Variants in SLFN13 observed in about 807,000 individuals in gnomAD.
The protein encoded by SLFN13 is schlafen-13.
SLFN13 carries 43 observed loss-of-function variants against 50.6 expected under a neutral mutation model. The observed-to-expected ratio is 0.85, with a 90% CI of 0.67 to 1.09. The LOEUF (loss-of-function observed/expected upper bound fraction) is 1.09. Among genes scored for constraint, SLFN13 ranks in the 50% least tolerant of loss-of-function variants. SLFN13 has a pLI of 0.00. For synonymous variants in SLFN13, 339 were observed against 386.5 expected, an observed-to-expected ratio of 0.88 and a Z score of 1.44; for missense variants, 881 against 1,071.1, an observed-to-expected ratio of 0.82 and a Z score of 2.48.
At chr17:35,446,333 AGTTTAGTAAAAT>A (rs1222836198) in intron 2 of SLFN13, among the ~76,000 whole-genome samples, 1 of 152,200 alleles carries the variant, frequency 6.6e-6, no homozygotes, top group African/African-American at 2.4e-5. Context: ...ACTAAACCTA[AGTTTAGTAAAAT>A]TAAGGTTAAC....
rs749890504 is a variant in SLFN13 at position 35,445,550 on chromosome 17, G to T, written c.131C>A (p.Ala44Glu). The T allele has an allele frequency of 1.2e-6, 2 of 1,613,938 alleles. No individual in the cohort carries two copies. The highest frequency in any genetic ancestry group is 1.7e-5 in the Admixed American group (1 of 60,006). ...LQKTQRDQERARVIRAACALL... is the reference protein window; with the variant it reads ...LQKTQRDQERERVIRAACALL... ...AGCACACGCGGCCCGTATAACTCTC[G>T]CCCTCTCTTGGTCTCTCTGAGTTTT... Residue 44 changes from alanine (A) to glutamate (E), a missense_variant, in exon 3 of 6, where the codon GCG becomes GAG. Ala to Glu is a moderately radical substitution (Grantham distance 107, BLOSUM62 -1). Coordinates refer to ENST00000285013, the MANE Select transcript of SLFN13 (RefSeq NM_144682.6).
chr17:35,445,411 T>G lies in SLFN13; in HGVS notation c.270A>C (p.Pro90=), dbSNP rs537316217. Residue 90 remains proline (P), a synonymous_variant, in exon 3 of 6, where the codon CCA becomes CCC. Transcript: ENST00000285013. ...TAGTCTCAAAGAAAGCCTGCAAATATGGATACTGAATAAGCTTTCTCAAGG... is the reference window on the plus strand; with the variant it reads ...TAGTCTCAAAGAAAGCCTGCAAATAGGGATACTGAATAAGCTTTCTCAAGG... ...EESLRKLIQY[P]YLQAFFETKQ... The G allele has an allele frequency of 6.8e-6, 11 of 1,614,122 alleles. No individual in the cohort carries two copies. The highest frequency in any genetic ancestry group is 9.3e-6 in the Non-Finnish European group (11 of 1,180,048).
chr17:35,439,812 G>T lies in SLFN13; in HGVS notation c.*783C>A, dbSNP rs1912763942. 6.6e-6 allele frequency: 1 copy of T among 152,046 alleles called. No homozygotes were observed. Among genetic ancestry groups the T allele is most frequent in the Non-Finnish European group, 1.5e-5 (1 of 68,022 alleles). The allele number at this position is 152,046 out of a possible 1,614,324, so 9.4% of individuals were successfully genotyped here. A position where few individuals can be genotyped will look rare whatever the true frequency, so the allele number is the denominator to read the frequency against. Reference sequence around the variant, plus strand: ...GATTTTTAAAGAAAATCTTTCCCAAGTTTGTTCACCGTACATCTGATACAC... The same window carrying T: ...GATTTTTAAAGAAAATCTTTCCCAATTTTGTTCACCGTACATCTGATACAC... On this transcript the variant is annotated 3_prime_UTR_variant, in exon 6 of 6. Transcript: ENST00000285013.
In SLFN13 at chr17:35,440,081, C is replaced by A. The variant is rs1410569296; in HGVS notation, c.*514G>T. On this transcript the variant is annotated 3_prime_UTR_variant, in exon 6 of 6. Transcript: ENST00000285013. ...TGACTGAATTATCTTGGGACTCTCCCAAGCCCTAAATGAATACAGCAAAGA... is the reference window on the plus strand; with the variant it reads ...TGACTGAATTATCTTGGGACTCTCCAAAGCCCTAAATGAATACAGCAAAGA... 4 of 154,902 alleles carry A rather than the reference C, an allele frequency of 2.6e-5. No homozygotes were observed. Among genetic ancestry groups the A allele is most frequent in the African/African-American group, 9.7e-5 (4 of 41,446 alleles). 9.6% of individuals were successfully genotyped at this position (154,902 alleles called of 1,614,324 possible).
chr17:35,441,415 G>A (rs773345753), intron 5 of SLFN13, 49 bp from the exon 6 acceptor site: 3 of 1,571,784 alleles, frequency 1.9e-6, no homozygotes, highest in Non-Finnish European at 2.6e-6. Context: ...GAAAACAAGG[G>A]GAGAAAATGA....
chr17:35,444,027 G>T (rs1426163197), intron 3 of SLFN13, 107 bp from the exon 4 acceptor site: 2 of 1,125,506 alleles, frequency 1.8e-6, no homozygotes, highest in Admixed American at 5.4e-5. Flanking sequence ...TACAAGTCAG[G>T]CCACAAAGTC....
At chr17:35,443,664 G>C in intron 4 of SLFN13, 125 bp downstream of exon 4, 1 of 983,196 alleles carries the variant, frequency 1.0e-6, no homozygotes, top group Non-Finnish European at 1.5e-6. Flanking sequence ...TCATCCCCAA[G>C]AGGCTTGTGG....
rs1258762913 is a variant in SLFN13, at chr17:35,438,630, G to C, written c.*1965C>G. On this transcript the variant is annotated 3_prime_UTR_variant, in exon 6 of 6. Coordinates refer to ENST00000285013, the MANE Select transcript of SLFN13 (RefSeq NM_144682.6). ...TTCTCCTTATTTTGCTGATCTGTCAGATTTTGCTCAAGTTAGAAGAGCCTA... is the reference window on the plus strand; with the variant it reads ...TTCTCCTTATTTTGCTGATCTGTCACATTTTGCTCAAGTTAGAAGAGCCTA... 1 of 152,232 alleles carries C rather than the reference G, an allele frequency of 6.6e-6. No homozygotes were observed. Among genetic ancestry groups the C allele is most frequent in the East Asian group, 1.9e-4 (1 of 5,184 alleles). The allele number at this position is 152,232 out of a possible 1,614,324, so 9.4% of individuals were successfully genotyped here.
rs758138018 is a variant in SLFN13, at chr17:35,441,355, A to G, written c.1934T>C (p.Ile645Thr). 21 of 1,602,518 alleles carry G rather than the reference A, an allele frequency of 1.3e-5. No homozygotes were observed. Among genetic ancestry groups the G allele is most frequent in the Middle Eastern group, 1.7e-4 (1 of 6,004 alleles). ...PLRNFISDRN[I>T]CRAETRETFL... ...AGTTTCCCGGGTCTCTGCTCGGCAG[A>G]TATTTCTATCACTGTAAAAATTAAA... Residue 645 changes from isoleucine (I) to threonine (T), a missense_variant, in exon 6 of 6, where the codon ATC becomes ACC. By Grantham distance (89) the Ile-to-Thr change is moderately conservative (BLOSUM62 -1). Coordinates refer to ENST00000285013, the MANE Select transcript of SLFN13 (RefSeq NM_144682.6).
intron 2 of SLFN13, chr17:35,445,940 A>C (rs1299780020): frequency 2.9e-6 from 1 of 345,052 alleles, no homozygotes; most frequent in East Asian, 5.0e-5. Flanking sequence ...TATCTGAACG[A>C]ATCTGGAGAC....
At chr17:35,447,210 A>T (rs1459610335) in intron 2 of SLFN13, 58 bp downstream of exon 2, 1 of 152,240 alleles carries the variant, frequency 6.6e-6, no homozygotes, top group East Asian at 1.9e-4. Flanking sequence ...ACCCTAAATA[A>T]AACTGAACTA....
chr17:35,449,337 C>A (rs8066301), upstream of SLFN13, among the ~76,000 whole-genome samples: 42,547 of 151,666 alleles, frequency 0.28, 6,093 homozygotes, highest in Middle Eastern at 0.33. Context: ...GCCCCTCCTC[C>A]GTCCCTATCT....
chr17:35,442,315 T>G, intron 4 of SLFN13, 29 bp from the exon 5 acceptor site: 1 of 1,531,248 alleles, frequency 6.5e-7, no homozygotes. Flanking sequence ...GAAAGATGTT[T>G]TCACTGTGTT....
rs1912703144 is a variant in SLFN13, at chr17:35,438,563, T to C, written c.*2032A>G. The C allele has an allele frequency of 6.6e-6, 1 of 152,150 alleles. No individual in the cohort carries two copies. Among genetic ancestry groups the C allele is most frequent in the Non-Finnish European group, 1.5e-5 (1 of 68,026 alleles). 9.4% of individuals were successfully genotyped at this position (152,150 alleles called of 1,614,324 possible). A position where few individuals can be genotyped will look rare whatever the true frequency, so the allele number is the denominator to read the frequency against. On this transcript the variant is annotated 3_prime_UTR_variant, in exon 6 of 6. Coordinates refer to ENST00000285013, the MANE Select transcript of SLFN13 (RefSeq NM_144682.6). ...CAAAGATAGCTTTTTGGTGCTGAGCTGTATCTCATTTAATGCAGCCAGAAA... is the reference window on the plus strand; with the variant it reads ...CAAAGATAGCTTTTTGGTGCTGAGCCGTATCTCATTTAATGCAGCCAGAAA...
In SLFN13 at chr17:35,445,670, T is replaced by C. The variant is rs12943866; in HGVS notation, c.11A>G (p.Asn4Ser). 156,911 of 1,596,592 alleles carry C rather than the reference T, an allele frequency of 0.098. 8,714 individuals carry two copies. Among genetic ancestry groups the C allele is most frequent in the South Asian group, 0.17 (14,718 of 88,838 alleles). Residue 4 changes from asparagine (N) to serine (S), a missense_variant, in exon 3 of 6, where the codon AAT (asparagine) becomes AGT (serine). This residue lies in a region of SLFN13 where 497 missense variants were observed against 518.3 expected (regional missense o/e 0.96). Coordinates refer to ENST00000285013, the MANE Select transcript of SLFN13 (RefSeq NM_144682.6). Reference protein sequence around the residue: MEANHCSLGVYPSY... With the variant: MEASHCSLGVYPSY... Reference sequence around the variant, plus strand: ...TGGATACACACCCAGGGAGCAGTGATTTGCCTCCATGTTGAACTTGCACCT... The same window carrying C: ...TGGATACACACCCAGGGAGCAGTGACTTGCCTCCATGTTGAACTTGCACCT...
intron 1 of SLFN13, among the ~76,000 whole-genome samples, chr17:35,447,620 C>T (rs567308332): frequency 1.1e-4 from 16 of 152,304 alleles, no homozygotes; most frequent in Admixed American, 8.5e-4. Flanking sequence ...CATCCACTCC[C>T]AAGCCCCCCA....
At chr17:35,441,426 T>C (rs1311797984) in intron 5 of SLFN13, 60 bp from the exon 6 acceptor site, 3 of 1,571,056 alleles carry the variant, frequency 1.9e-6, no homozygotes, top group East Asian at 2.2e-5. Flanking sequence ...GAGAAAATGA[T>C]TGTATCATGT....
chr17:35,441,542 A>G, intron 5 of SLFN13, 21 bp downstream of exon 5: 1 of 1,611,594 alleles, frequency 6.2e-7, no homozygotes, highest in Non-Finnish European at 8.5e-7. Context: ...AAACTTAAAG[A>G]CGTAAGATCC....
intron 4 of SLFN13, 146 bp downstream of exon 4, chr17:35,443,643 G>A (rs533781230): frequency 4.6e-4 from 344 of 747,758 alleles, no homozygotes; most frequent in Non-Finnish European, 1.4e-4. Flanking sequence ...ATTTCTAAAG[G>A]CACCTGAAAC....
Sources: gnomAD v4.1 joint callset for allele counts (sites outside exome capture counted in the v4.1 genomes callset) on GRCh38, gnomAD v4.1.1 for gene constraint, gnomAD v4.1.1 regional missense constraint, MANE v1.5 for transcripts, NCBI Gene and HGNC (gene_info 2026-07-23, HGNC 2026-07-21) for gene names.